Variants in HSPBAP1 observed in about 807,000 individuals in gnomAD.
HSPBAP1 encodes HSPB1-associated protein 1.
HSPBAP1 carries 27 observed loss-of-function variants against 45.2 expected under a neutral mutation model. The ratio of observed to expected loss-of-function variants is 0.60; its 90% confidence interval spans 0.44 to 0.82. The LOEUF (loss-of-function observed/expected upper bound fraction) is 0.82, where lower values mean the gene tolerates loss of function less well. HSPBAP1 is among the 40% of genes least tolerant of loss of function. The pLI, the probability that HSPBAP1 is intolerant of heterozygous loss-of-function variation, is 0.00. For missense variants in HSPBAP1, 510 were observed against 590.9 expected (o/e 0.86, Z 1.42); for synonymous variants, 204 against 202.7 (o/e 1.01, Z -0.06).
chr3:122,741,859 A>T (rs1933682185), intron 6 of HSPBAP1: 1 of 152,154 alleles, frequency 6.6e-6, no homozygotes, highest in South Asian at 2.1e-4. Context: ...TGAAATTGGC[A>T]AAAAGGGGCC....
chr3:122,750,553 A>ATCTATCTATCTAATCT (rs56143835), intron 6 of HSPBAP1, among the ~76,000 whole-genome samples: 2 of 86,410 alleles, frequency 2.3e-5, no homozygotes, highest in Non-Finnish European at 5.5e-5. Context: ...CTATCTATCT[A>ATCTATCTATCTAATCT]ATCTATCTAT....
In HSPBAP1 at chr3:122,793,784, G is replaced by A. The variant is rs3806643; in HGVS notation, c.-104C>T. On this transcript the variant is annotated 5_prime_UTR_variant, in exon 1 of 8. Transcript: ENST00000306103. ...AGACCCGAAGCTGCACCACAGGAAG[G>A]AGCCCCGGCGACTCCCGCCCGGCTC... The A allele has an allele frequency of 0.72, 747,200 of 1,036,438 alleles. 274,053 individuals are homozygous for A. Among genetic ancestry groups the A allele is most frequent in the Non-Finnish European group, 0.77 (536,562 of 697,138 alleles). The allele number at this position is 1,036,438 out of a possible 1,614,324, so 64.2% of individuals were successfully genotyped here. A position where few individuals can be genotyped will look rare whatever the true frequency, so the allele number is the denominator to read the frequency against.
chr3:122,764,028 C>T (rs1424066668), intron 3 of HSPBAP1, among the ~76,000 whole-genome samples: 1 of 152,210 alleles, frequency 6.6e-6, no homozygotes, highest in African/African-American at 2.4e-5. Flanking sequence ...GCTATGAAGC[C>T]TTCTCAACCG....
chr3:122,767,661 G>C (rs1207176436), intron 3 of HSPBAP1, among the ~76,000 whole-genome samples: 2 of 152,108 alleles, frequency 1.3e-5, no homozygotes, highest in Admixed American at 6.6e-5. Context: ...AGGCGCAGTG[G>C]CACATTCCTA....
In HSPBAP1 at chr3:122,783,923, C is replaced by T. The variant is rs372876378; in HGVS notation, c.65-6017G>A. ...TCGGCTCACTGCAAGCTCCGCCTCCCGGGTTCACGCCATTCTCCTGCCTTA... is the reference window on the plus strand; with the variant it reads ...TCGGCTCACTGCAAGCTCCGCCTCCTGGGTTCACGCCATTCTCCTGCCTTA... On this transcript the variant is annotated intron_variant, in intron 1 of 7. Coordinates refer to ENST00000306103, the MANE Select transcript of HSPBAP1 (RefSeq NM_024610.6). 6.8e-3 allele frequency among the ~76,000 whole-genome samples: 1,028 copies of T among 152,152 alleles called. 9 individuals are homozygous for T. Among genetic ancestry groups the T allele is most frequent in the African/African-American group, 0.024 (978 of 41,494 alleles).
intron 3 of HSPBAP1, among the ~76,000 whole-genome samples, chr3:122,767,958 G>A (rs1286685343): frequency 1.3e-5 from 2 of 152,134 alleles, no homozygotes; most frequent in Non-Finnish European, 2.9e-5. Context: ...GGGCAAGGCA[G>A]AGTCCTCCAA....
At chr3:122,740,913 C>G in intron 7 of HSPBAP1, 38 bp from the exon 8 acceptor site, 1 of 1,609,722 alleles carries the variant, frequency 6.2e-7, no homozygotes, top group Non-Finnish European at 8.5e-7. Flanking sequence ...TGGTTACATA[C>G]ATTTAGTTAC....
chr3:122,767,712 TATA>T (rs1360757759), intron 3 of HSPBAP1, among the ~76,000 whole-genome samples: 1 of 152,152 alleles, frequency 6.6e-6, no homozygotes, highest in Middle Eastern at 3.2e-3. Context: ...GAGGATCTAT[TATA>T]ATAACTATGT....
At chr3:122,762,605 T>C (rs1395632127) in intron 3 of HSPBAP1, among the ~76,000 whole-genome samples, 1 of 152,240 alleles carries the variant, frequency 6.6e-6, no homozygotes, top group Admixed American at 6.5e-5. Context: ...TTTCCTAATT[T>C]TCCTTGTGAT....
At chr3:122,746,170 G>A (rs1933841004) in intron 6 of HSPBAP1, among the ~76,000 whole-genome samples, 1 of 152,088 alleles carries the variant, frequency 6.6e-6, no homozygotes, top group East Asian at 1.9e-4. Context: ...TTAAAACACA[G>A]CTGTAAAAAC....
intron 5 of HSPBAP1, chr3:122,754,577 GTGAGACCGGTACAA>G: frequency 1.0e-6 from 1 of 984,790 alleles, no homozygotes; most frequent in Non-Finnish European, 1.2e-6. Context: ...AAAAGAGCCA[GTGAGACCGGTACAA>G]TGGATGGAAG....
chr3:122,769,200 C>T (rs1261819358), intron 2 of HSPBAP1, among the ~76,000 whole-genome samples: 2 of 152,142 alleles, frequency 1.3e-5, no homozygotes, highest in African/African-American at 2.4e-5. Context: ...ACAAAATTCA[C>T]AATACTCAGG....
rs145943454 is a variant in HSPBAP1, at chr3:122,772,077, C to T, written c.251-3195G>A. 5.0e-3 allele frequency among the ~76,000 whole-genome samples: 759 copies of T among 152,192 alleles called. 9 individuals are homozygous for T. The highest frequency in any genetic ancestry group is 0.016 in the African/African-American group (682 of 41,508). ...CTGTAACAGGCAAAAATATTTCCTT[C>T]GTAACAGTTATAATAAATTTACAAT... On this transcript the variant is annotated intron_variant, in intron 2 of 7. Transcript: ENST00000306103.
intron 2 of HSPBAP1, 59 bp from the exon 3 acceptor site, chr3:122,768,941 T>A: frequency 8.8e-7 from 1 of 1,138,110 alleles, no homozygotes; most frequent in East Asian, 2.6e-5. Flanking sequence ...TAATTATTGT[T>A]TTTTTTTTAA....
At chr3:122,766,727 G>C (rs1372632402) in intron 3 of HSPBAP1, among the ~76,000 whole-genome samples, 1 of 152,220 alleles carries the variant, frequency 6.6e-6, no homozygotes, top group African/African-American at 2.4e-5. Flanking sequence ...AGTAATTAAA[G>C]CTCTGTAGTA....
At chr3:122,763,840 G>A (rs1305416990) in intron 3 of HSPBAP1, among the ~76,000 whole-genome samples, 1 of 152,152 alleles carries the variant, frequency 6.6e-6, no homozygotes, top group Admixed American at 6.5e-5. Context: ...ATTATATAAG[G>A]ATAGCATTTA....
chr3:122,752,769 A>G (rs753250254), intron 5 of HSPBAP1, 95 bp from the exon 6 acceptor site: 38 of 1,406,544 alleles, frequency 2.7e-5, no homozygotes, highest in African/African-American at 5.9e-5. Flanking sequence ...GAAAAAAAGG[A>G]ATACAAATGA....
intron 3 of HSPBAP1, 98 bp downstream of exon 3, chr3:122,768,603 G>A (rs552986903): frequency 1.3e-6 from 1 of 760,490 alleles, no homozygotes; most frequent in Non-Finnish European, 2.2e-6. Flanking sequence ...GATTACTTAT[G>A]AGAGAAAAAG....
rs186814551 is a variant in HSPBAP1 at position 122,742,728 on chromosome 3, T to G, written c.826-1615A>C. On this transcript the variant is annotated intron_variant, in intron 6 of 7. Coordinates refer to ENST00000306103, the MANE Select transcript of HSPBAP1 (RefSeq NM_024610.6). ...AGTTGAAGTCCTTAAGAGCAAAAAC[T>G]GAGATGTCTTAGAGAAAAAAATTCT... is the stretch of plus-strand genomic sequence containing the variant. 2.4e-3 allele frequency among the ~76,000 whole-genome samples: 362 copies of G among 152,282 alleles called. 2 individuals carry two copies. The highest frequency in any genetic ancestry group is 8.0e-3 in the African/African-American group (333 of 41,564).
Sources: allele counts gnomAD v4.1 joint callset (sites outside exome capture counted in the v4.1 genomes callset), GRCh38; gene constraint gnomAD v4.1.1; transcripts MANE v1.5; gene names NCBI Gene and HGNC (gene_info 2026-07-23, HGNC 2026-07-21).